Variants in KHDRBS2 observed in about 807,000 individuals in gnomAD.
KHDRBS2 encodes KH domain-containing, RNA-binding, signal transduction-associated protein 2.
A neutral mutation model predicts 44.3 loss-of-function variants in KHDRBS2; 26 were observed. The observed-to-expected ratio is 0.59, with a 90% CI of 0.43 to 0.81. The LOEUF (loss-of-function observed/expected upper bound fraction) is 0.81, where lower values mean the gene tolerates loss of function less well. KHDRBS2 is among the 40% of genes least tolerant of loss of function. The probability of loss-of-function intolerance (pLI) is 0.00; values close to 1 mark genes in which losing one functional copy is unlikely to be tolerated. For missense variants in KHDRBS2, 476 were observed against 433.1 expected (o/e 1.10, Z -0.88); for synonymous variants, 194 against 151.1 (o/e 1.28, Z -2.08).
the KHDRBS2 span, among the ~76,000 whole-genome samples, chr6:61,569,666 G>C: frequency 6.6e-6 from 1 of 152,182 alleles, no homozygotes. Flanking sequence ...CTTCCACAGA[G>C]TCCATGGCAC....
At chr6:62,029,708 CAG>C (rs1180109952) in intron 3 of KHDRBS2, among the ~76,000 whole-genome samples, 1 of 151,764 alleles carries the variant, frequency 6.6e-6, no homozygotes, top group Non-Finnish European at 1.5e-5. Context: ...GATAAAAAAA[CAG>C]AAAGGAGTGC....
intron 7 of KHDRBS2, among the ~76,000 whole-genome samples, chr6:61,721,004 C>G (rs1469615361): frequency 6.6e-6 from 1 of 151,062 alleles, no homozygotes; most frequent in African/African-American, 2.4e-5. Context: ...TATGGCTAGC[C>G]AGTTTTCCCA....
At chr6:61,694,533 C>T (rs183388874) in intron 8 of KHDRBS2, among the ~76,000 whole-genome samples, 91 of 152,226 alleles carry the variant, frequency 6.0e-4, no homozygotes, top group African/African-American at 2.1e-3. Context: ...ACAAGGCTTG[C>T]GGCCTCATTC....
chr6:61,631,648 A>G, the KHDRBS2 span, among the ~76,000 whole-genome samples: 1 of 152,276 alleles, frequency 6.6e-6, no homozygotes, highest in East Asian at 1.9e-4. Flanking sequence ...GGGAGCAACA[A>G]TATGGCAGAA....
intron 6 of KHDRBS2, among the ~76,000 whole-genome samples, chr6:61,749,666 T>C (rs1443390720): frequency 6.6e-6 from 1 of 152,200 alleles, no homozygotes; most frequent in Non-Finnish European, 1.5e-5. Context: ...TTCTATATGA[T>C]TCACTTCTTT....
At chr6:61,618,278 C>G in the KHDRBS2 span, among the ~76,000 whole-genome samples, 4 of 152,082 alleles carry the variant, frequency 2.6e-5, no homozygotes, top group African/African-American at 9.7e-5. Context: ...ATCTAGTTAC[C>G]TAGAAGTTCC....
intron 2 of KHDRBS2, among the ~76,000 whole-genome samples, chr6:62,139,735 G>T (rs779773240): frequency 2.6e-5 from 4 of 152,110 alleles, no homozygotes; most frequent in African/African-American, 4.8e-5. Context: ...CTGATGAGAA[G>T]AATAAGTTCA....
At chr6:61,592,873 G>C in the KHDRBS2 span, among the ~76,000 whole-genome samples, 2 of 152,134 alleles carry the variant, frequency 1.3e-5, no homozygotes, top group Non-Finnish European at 2.9e-5. Flanking sequence ...ATGAGAATCT[G>C]TCAGGTCAGT....
the KHDRBS2 span, among the ~76,000 whole-genome samples, chr6:61,615,330 C>T: frequency 6.6e-6 from 1 of 151,064 alleles, no homozygotes; most frequent in Non-Finnish European, 1.5e-5. Context: ...TAGTGCCTGG[C>T]TGTTTGTAAG....
intron 1 of KHDRBS2, among the ~76,000 whole-genome samples, chr6:62,247,707 C>T (rs1485455056): frequency 6.6e-6 from 1 of 151,912 alleles, no homozygotes. Flanking sequence ...GCAATCATCG[C>T]TATGAAGAGA....
At chr6:62,076,411 G>C (rs1796344785) in intron 2 of KHDRBS2, among the ~76,000 whole-genome samples, 1 of 151,988 alleles carries the variant, frequency 6.6e-6, no homozygotes, top group Admixed American at 6.6e-5. Flanking sequence ...AGATTGTGAT[G>C]TTGGGAATTA....
the KHDRBS2 span, among the ~76,000 whole-genome samples, chr6:61,649,721 A>C: frequency 6.6e-6 from 1 of 152,048 alleles, no homozygotes; most frequent in Non-Finnish European, 1.5e-5. Flanking sequence ...AAATTCTTTC[A>C]TTTCTACCTC....
chr6:61,778,554 G>T (rs1782457070), intron 6 of KHDRBS2, among the ~76,000 whole-genome samples: 1 of 152,076 alleles, frequency 6.6e-6, no homozygotes. Flanking sequence ...AAAAGAAAAA[G>T]ATAAAAAGAC....
chr6:61,647,088 G>A, the KHDRBS2 span, among the ~76,000 whole-genome samples: 2 of 151,738 alleles, frequency 1.3e-5, no homozygotes, highest in Non-Finnish European at 2.9e-5. Flanking sequence ...CAAAGTGCTG[G>A]GATGACAGGT....
intron 3 of KHDRBS2, among the ~76,000 whole-genome samples, chr6:62,034,422 C>A (rs953179261): frequency 4.0e-5 from 6 of 151,772 alleles, no homozygotes; most frequent in African/African-American, 1.5e-4. Context: ...AAATCCTCAA[C>A]AAAATACTAG....
intron 6 of KHDRBS2, among the ~76,000 whole-genome samples, chr6:61,794,705 A>T (rs78561110): frequency 3.3e-5 from 5 of 152,320 alleles, no homozygotes; most frequent in Non-Finnish European, 7.4e-5. Flanking sequence ...ATACAGTACC[A>T]ACCAAAGTGG....
chr6:61,679,383 T>C (rs1402758923), downstream of KHDRBS2, among the ~76,000 whole-genome samples: 1 of 151,970 alleles, frequency 6.6e-6, no homozygotes, highest in Non-Finnish European at 1.5e-5. Flanking sequence ...TAATAGCCTA[T>C]AGACCTATTT....
At chr6:62,142,396 C>T (rs1057091633) in intron 2 of KHDRBS2, among the ~76,000 whole-genome samples, 1 of 152,082 alleles carries the variant, frequency 6.6e-6, no homozygotes, top group African/African-American at 2.4e-5. Flanking sequence ...CCTTCCATCT[C>T]TCGGATAAAT....
chr6:61,669,988 C>A, the KHDRBS2 span, among the ~76,000 whole-genome samples: 1 of 150,736 alleles, frequency 6.6e-6, no homozygotes, highest in Non-Finnish European at 1.5e-5. Context: ...AAATAAATAA[C>A]AAACAGCTGA....
Sources: gnomAD v4.1 joint callset for allele counts (sites outside exome capture counted in the v4.1 genomes callset) on GRCh38, gnomAD v4.1.1 for gene constraint, MANE v1.5 for transcripts, NCBI Gene and HGNC (gene_info 2026-07-23, HGNC 2026-07-21) for gene names.